NTRK2: variants seen among roughly 807,000 people sequenced by gnomAD.
NTRK2 encodes neurotrophic receptor tyrosine kinase 2.
A neutral mutation model predicts 94.5 loss-of-function variants in NTRK2; 13 were observed. The observed-to-expected ratio is 0.14, with a 90% CI of 0.09 to 0.22. The LOEUF (loss-of-function observed/expected upper bound fraction) is 0.22. Among genes scored for constraint, NTRK2 ranks in the 10% least tolerant of loss-of-function variants. The probability of loss-of-function intolerance (pLI) is 1.00; values close to 1 mark genes in which losing one functional copy is unlikely to be tolerated. For missense variants in NTRK2, 639 were observed against 1,071.2 expected, an observed-to-expected ratio of 0.60 and a Z score of 5.63; for synonymous variants, 372 against 407.4, an observed-to-expected ratio of 0.91 and a Z score of 1.05.
At chr9:84,759,120 C>A (rs776688835) in intron 12 of NTRK2, among the ~76,000 whole-genome samples, 1 of 152,160 alleles carries the variant, frequency 6.6e-6, no homozygotes, top group African/African-American at 2.4e-5. Context: ...TTGAAAGAGT[C>A]ATTGAGTAAG....
intron 12 of NTRK2, among the ~76,000 whole-genome samples, chr9:84,843,422 C>A (rs1046748742): frequency 6.6e-6 from 1 of 152,188 alleles, no homozygotes; most frequent in South Asian, 2.1e-4. Flanking sequence ...TTAGAGGTGG[C>A]TCCCACTGCC....
intron 14 of NTRK2, among the ~76,000 whole-genome samples, chr9:84,871,000 A>G (rs1479542263): frequency 6.6e-6 from 1 of 152,236 alleles, no homozygotes; most frequent in Non-Finnish European, 1.5e-5. Context: ...TCTGACTTAT[A>G]TAATAAAGAC....
intron 10 of NTRK2, among the ~76,000 whole-genome samples, chr9:84,742,185 A>G (rs2063698312): frequency 1.3e-5 from 2 of 152,224 alleles, no homozygotes; most frequent in African/African-American, 2.4e-5. Context: ...TGTAACAGAC[A>G]TCGTATTTCC....
At chr9:84,886,511 CT>C (rs1389114029) in intron 14 of NTRK2, among the ~76,000 whole-genome samples, 1 of 152,206 alleles carries the variant, frequency 6.6e-6, no homozygotes, top group African/African-American at 2.4e-5. Context: ...TCTGAAGCCC[CT>C]GATCTAACCT....
At chr9:84,762,958 T>C (rs1588438890) in intron 12 of NTRK2, among the ~76,000 whole-genome samples, 1 of 152,288 alleles carries the variant, frequency 6.6e-6, no homozygotes, top group African/African-American at 2.4e-5. Flanking sequence ...TGGCTGTCCA[T>C]CTTCCCAGTT....
At chr9:85,014,950 T>C (rs1004491773) in intron 17 of NTRK2, among the ~76,000 whole-genome samples, 32 of 152,188 alleles carry the variant, frequency 2.1e-4, no homozygotes, top group African/African-American at 7.0e-4. Flanking sequence ...TTTTTTCAGC[T>C]TGATTTATTT....
At chr9:84,738,359 A>G (rs914590993) in intron 9 of NTRK2, among the ~76,000 whole-genome samples, 1 of 147,844 alleles carries the variant, frequency 6.8e-6, no homozygotes, top group Non-Finnish European at 1.5e-5. Context: ...GTGACCTTTT[A>G]GTCCTGAATA....
intron 17 of NTRK2, among the ~76,000 whole-genome samples, chr9:85,016,235 G>A (rs903709318): frequency 1.3e-5 from 2 of 152,230 alleles, no homozygotes; most frequent in African/African-American, 2.4e-5. Flanking sequence ...AGACCTGAGG[G>A]TACCTGCTCA....
At chr9:84,811,115 AAC>A in intron 12 of NTRK2, 1 of 1,068,392 alleles carries the variant, frequency 9.4e-7, no homozygotes, top group Non-Finnish European at 1.1e-6. Context: ...TTTCATCTAT[AAC>A]ACAGTGACTA....
At chr9:84,675,149 T>C (rs1376232629) in intron 2 of NTRK2, among the ~76,000 whole-genome samples, 1 of 152,146 alleles carries the variant, frequency 6.6e-6, no homozygotes, top group Non-Finnish European at 1.5e-5. Flanking sequence ...AAAGGTGTTT[T>C]CTAAGCTGAA....
intron 14 of NTRK2, among the ~76,000 whole-genome samples, chr9:84,926,161 C>CTTTCTTTCTTT (rs2077782785): frequency 1.3e-4 from 8 of 63,826 alleles, no homozygotes; most frequent in East Asian, 4.2e-4. Flanking sequence ...TTCCTTCCTT[C>CTTTCTTTCTTT]CTTCCTTCCT....
intron 13 of NTRK2, 152 bp from the exon 14 acceptor site, chr9:84,867,091 T>C: frequency 1.4e-6 from 1 of 720,262 alleles, no homozygotes; most frequent in Non-Finnish European, 2.3e-6. Flanking sequence ...GAAAATGTCC[T>C]ACAAGTAGAT....
At chr9:84,872,731 T>C (rs1042243193) in intron 14 of NTRK2, 5 of 1,065,266 alleles carry the variant, frequency 4.7e-6, no homozygotes, top group Non-Finnish European at 5.7e-6. Context: ...TGTGTTTGTG[T>C]GTGCATATGT....
intron 12 of NTRK2, among the ~76,000 whole-genome samples, chr9:84,836,914 G>C (rs902512750): frequency 1.4e-5 from 2 of 146,612 alleles, no homozygotes; most frequent in African/African-American, 5.0e-5. Flanking sequence ...GCAGATAATA[G>C]ATTGAGAGCT....
At chr9:84,978,276 C>T (rs1827151650) in intron 17 of NTRK2, among the ~76,000 whole-genome samples, 1 of 152,164 alleles carries the variant, frequency 6.6e-6, no homozygotes, top group African/African-American at 2.4e-5. Flanking sequence ...AGAATAAGTC[C>T]TTGAAGGAAA....
intron 2 of NTRK2, among the ~76,000 whole-genome samples, chr9:84,675,774 C>A (rs939100945): frequency 9.2e-5 from 14 of 152,196 alleles, no homozygotes; most frequent in African/African-American, 3.1e-4. Context: ...AATCCCACCT[C>A]AAGCCTCAAA....
intron 9 of NTRK2, among the ~76,000 whole-genome samples, chr9:84,731,021 C>T (rs897658840): frequency 3.3e-5 from 5 of 151,846 alleles, no homozygotes; most frequent in South Asian, 2.1e-4. Context: ...GGAAGTTTCC[C>T]GGCTTACAAG....
rs539630961 is a variant in NTRK2 at position 84,739,668 on chromosome 9, G to A, written c.1160-2224G>A. On this transcript the variant is annotated intron_variant, in intron 9 of 18. Coordinates refer to ENST00000277120, the MANE Select transcript of NTRK2 (RefSeq NM_006180.6). ...ACCACAGGCCCTTCTCTCACATGCG[G>A]TGGGGGTCTGTGGGGGCCTGAGAAT... Among the ~76,000 whole-genome samples, 13 of 152,256 alleles carry A rather than the reference G, an allele frequency of 8.5e-5. No individual in the cohort carries two copies. In the South Asian group the frequency reaches 2.5e-3, roughly 29 times the overall value.
intron 2 of NTRK2, among the ~76,000 whole-genome samples, chr9:84,688,528 GAC>G (rs1160346317): frequency 2.0e-5 from 3 of 152,102 alleles, no homozygotes; most frequent in African/African-American, 7.2e-5. Flanking sequence ...TATTATCATA[GAC>G]ACAAGCAGAT....
Sources: allele counts gnomAD v4.1 joint callset (sites outside exome capture counted in the v4.1 genomes callset), GRCh38; gene constraint gnomAD v4.1.1; transcripts MANE v1.5; gene names NCBI Gene and HGNC (gene_info 2026-07-23, HGNC 2026-07-21).